CDKAL1: variants seen among roughly 807,000 people sequenced by gnomAD.
CDKAL1 encodes CDKAL1 threonylcarbamoyladenosine tRNA methylthiotransferase, also known as threonylcarbamoyladenosine tRNA methylthiotransferase.
CDKAL1 carries 32 observed loss-of-function variants against 68.2 expected under a neutral mutation model. The observed-to-expected ratio is 0.47, with a 90% confidence interval of 0.35 to 0.63. The LOEUF (loss-of-function observed/expected upper bound fraction) is 0.63, where lower values mean the gene tolerates loss of function less well. Among genes scored for constraint, CDKAL1 ranks in the 30% least tolerant of loss-of-function variants. The pLI is 0.00. For synonymous variants in CDKAL1, 234 were observed against 244.3 expected (o/e 0.96, Z 0.39); for missense variants, 606 against 696.7 (o/e 0.87, Z 1.47).
In CDKAL1 at chr6:20,982,612, G is replaced by GA. The variant is rs966619527; in HGVS notation, c.910-17605dup. 1.7e-3 allele frequency among the ~76,000 whole-genome samples: 242 copies of GA among 142,984 alleles called. 1 individual carries two copies. Among genetic ancestry groups the GA allele is most frequent in the African/African-American group, 5.2e-3 (202 of 39,084 alleles). 93.8% of individuals were successfully genotyped at this position (142,984 alleles called of 152,430 possible). Reference sequence around the variant, plus strand: ...CCCAAAAGAACAAAATCCAAAAAAAGAAAAAAAAAACCAACTGTGATGTTA... The same window carrying GA: ...CCCAAAAGAACAAAATCCAAAAAAAGAAAAAAAAAAACCAACTGTGATGTTA... On this transcript the variant is annotated intron_variant, in intron 10 of 15. Coordinates refer to ENST00000274695, the MANE Select transcript of CDKAL1 (RefSeq NM_017774.3).
intron 4 of CDKAL1, among the ~76,000 whole-genome samples, chr6:20,621,596 T>G (rs551139021): frequency 6.6e-5 from 10 of 152,318 alleles, no homozygotes; most frequent in African/African-American, 2.4e-4. Flanking sequence ...CATTTATTAA[T>G]TTATTCAATC....
rs575344307 is a variant in CDKAL1 at position 21,076,415 on chromosome 6, T to C, written c.1236+11187T>C. On this transcript the variant is annotated intron_variant, in intron 12 of 15. Coordinates refer to ENST00000274695, the MANE Select transcript of CDKAL1 (RefSeq NM_017774.3). ...CACATGTACATATGTCCGAGAAACA[T>C]AGCATATAAAAGAGCTTTGTCACTT... Among the ~76,000 whole-genome samples, 122 of 152,330 alleles carry C rather than the reference T, an allele frequency of 8.0e-4. 1 individual carries two copies. In the Middle Eastern group the frequency reaches 0.01, roughly 13 times the overall value.
rs754065982 is a variant in CDKAL1 at position 20,928,455 on chromosome 6, CATGTTGTATGT to C, written c.743-26962_743-26952del. ...TGTGAATCACCTGAAATATCAAACC[CATGTTGTATGT>C]AGCTTGTTTTTGGAAGGGTATCCTT... On this transcript the variant is annotated intron_variant, in intron 9 of 15. Transcript: ENST00000274695. Among the ~76,000 whole-genome samples the C allele has an allele frequency of 5.3e-4, 80 of 152,096 alleles. 1 individual carries two copies. Among genetic ancestry groups the C allele is most frequent in the Non-Finnish European group, 9.9e-4 (67 of 68,016 alleles).
intron 4 of CDKAL1, among the ~76,000 whole-genome samples, chr6:20,619,561 C>T (rs1767083872): frequency 6.6e-6 from 1 of 152,124 alleles, no homozygotes; most frequent in Non-Finnish European, 1.5e-5. Flanking sequence ...CAGATAGTCA[C>T]CAAATACCTT....
chr6:21,219,344 T>C (rs1403284610), intron 15 of CDKAL1, among the ~76,000 whole-genome samples: 1 of 152,248 alleles, frequency 6.6e-6, no homozygotes, highest in East Asian at 1.9e-4. Context: ...TTCAGATTCA[T>C]GGATTCAACA....
At chr6:20,966,810 T>C (rs1765340216) in intron 10 of CDKAL1, among the ~76,000 whole-genome samples, 1 of 152,258 alleles carries the variant, frequency 6.6e-6, no homozygotes, top group South Asian at 2.1e-4. Context: ...TACCTTCTGA[T>C]TGGTGGAAAT....
chr6:20,881,136 C>T (rs1026535071), intron 9 of CDKAL1, among the ~76,000 whole-genome samples: 2 of 152,190 alleles, frequency 1.3e-5, no homozygotes, highest in African/African-American at 2.4e-5. Flanking sequence ...TCTTGGTTCT[C>T]AAACATTAAG....
chr6:20,924,034 G>T (rs1422948335), intron 9 of CDKAL1, among the ~76,000 whole-genome samples: 1 of 151,622 alleles, frequency 6.6e-6, no homozygotes, highest in East Asian at 1.9e-4. Flanking sequence ...AGCTTAGTAA[G>T]GAAGGCGTGT....
chr6:20,931,297 G>A (rs1003480664), intron 9 of CDKAL1, among the ~76,000 whole-genome samples: 5 of 152,086 alleles, frequency 3.3e-5, no homozygotes, highest in Admixed American at 6.5e-5. Context: ...AATTGGCCTC[G>A]TGCCAGACAC....
In CDKAL1 at chr6:20,748,554, G is replaced by GAAAAAAAAAAAAAAAAA. The variant is rs1773762406; in HGVS notation, c.468+8939_468+8940insAAAAAAAAAAAAAAAAA. 3.9e-5 allele frequency among the ~76,000 whole-genome samples: 3 copies of GAAAAAAAAAAAAAAAAA among 77,090 alleles called. 1 individual carries two copies. Among genetic ancestry groups the GAAAAAAAAAAAAAAAAA allele is most frequent in the African/African-American group, 1.4e-4 (3 of 21,016 alleles). 50.6% of individuals were successfully genotyped at this position (77,090 alleles called of 152,430 possible). A position where few individuals can be genotyped will look rare whatever the true frequency, so the allele number is the denominator to read the frequency against. ...GGAAAGAGAGCAAGACTCTGTTTCT[G>GAAAAAAAAAAAAAAAAA]GAAAAAAAAAAAAAAAAAAAAAAAA... On this transcript the variant is annotated intron_variant, in intron 6 of 15. Transcript: ENST00000274695.
chr6:20,567,517 G>A (rs1278860247), intron 4 of CDKAL1, among the ~76,000 whole-genome samples: 6 of 152,014 alleles, frequency 3.9e-5, no homozygotes, highest in Non-Finnish European at 7.4e-5. Flanking sequence ...CTGATGGAGA[G>A]CGTGAGTTAG....
chr6:20,961,800 A>G (rs1342136714), intron 10 of CDKAL1, among the ~76,000 whole-genome samples: 2 of 151,758 alleles, frequency 1.3e-5, no homozygotes, highest in Non-Finnish European at 2.9e-5. Flanking sequence ...CAAAAAAAAA[A>G]CATCAAGTAC....
intron 7 of CDKAL1, among the ~76,000 whole-genome samples, chr6:20,766,975 A>C (rs1561759203): frequency 6.6e-6 from 1 of 152,174 alleles, no homozygotes; most frequent in Non-Finnish European, 1.5e-5. Flanking sequence ...TAATGTATGT[A>C]TTTTAAGAGT....
intron 8 of CDKAL1, among the ~76,000 whole-genome samples, chr6:20,835,565 G>A (rs1581671162): frequency 6.7e-6 from 1 of 148,476 alleles, no homozygotes; most frequent in African/African-American, 2.5e-5. Flanking sequence ...CTTTTTTTTT[G>A]AGGTAGAGTT....
chr6:20,955,309 A>G (rs1764725453), intron 9 of CDKAL1, 110 bp from the exon 10 acceptor site: 1 of 1,094,264 alleles, frequency 9.1e-7, no homozygotes, highest in African/African-American at 1.6e-5. Flanking sequence ...GAATACCCAG[A>G]CTGCCTGAAT....
chr6:20,621,114 A>G lies in CDKAL1; in HGVS notation c.287-28179A>G, dbSNP rs148544238. ...GATTTACCATTTGCATTTAAGTACA[A>G]TTGTAATTTGTTACTGATTACCTTG... On this transcript the variant is annotated intron_variant, in intron 4 of 15. Transcript: ENST00000274695. Among the ~76,000 whole-genome samples, 361 of 152,174 alleles carry G rather than the reference A, an allele frequency of 2.4e-3. 1 individual carries two copies. Among genetic ancestry groups the G allele is most frequent in the African/African-American group, 8.2e-3 (340 of 41,504 alleles).
chr6:21,205,675 A>G (rs867552947), intron 15 of CDKAL1, among the ~76,000 whole-genome samples: 9 of 120,208 alleles, frequency 7.5e-5, no homozygotes, highest in African/African-American at 1.6e-4. Flanking sequence ...GGACCACAGG[A>G]ACCCGCCACC....
intron 13 of CDKAL1, among the ~76,000 whole-genome samples, chr6:21,148,617 A>G (rs1478019221): frequency 6.6e-6 from 1 of 152,102 alleles, no homozygotes; most frequent in African/African-American, 2.4e-5. Context: ...ATTTTTCTGG[A>G]TATATTTTTC....
intron 9 of CDKAL1, among the ~76,000 whole-genome samples, chr6:20,884,908 C>G (rs567606385): frequency 5.9e-4 from 89 of 152,076 alleles, no homozygotes; most frequent in Middle Eastern, 3.4e-3. Flanking sequence ...AGGAGAATCA[C>G]TTGAGCCTGA....
Sources: gnomAD v4.1 joint callset for allele counts (sites outside exome capture counted in the v4.1 genomes callset) on GRCh38, gnomAD v4.1.1 for gene constraint, MANE v1.5 for transcripts, NCBI Gene and HGNC (gene_info 2026-07-23, HGNC 2026-07-21) for gene names.